PCDHGA1: variants seen among roughly 807,000 people sequenced by gnomAD.
The protein encoded by PCDHGA1 is protocadherin gamma-A1.
PCDHGA1 carries 32 observed loss-of-function variants against 58.0 expected under a neutral mutation model. That is an observed-to-expected ratio of 0.55 (90% CI 0.42 to 0.74). The LOEUF is 0.74. Among genes scored for constraint, PCDHGA1 ranks in the 30% least tolerant of loss-of-function variants. PCDHGA1 has a pLI of 0.00. For missense variants in PCDHGA1, 1,205 were observed against 1,182.3 expected, an observed-to-expected ratio of 1.02 and a Z score of -0.28; for synonymous variants, 498 against 501.1, an observed-to-expected ratio of 0.99 and a Z score of 0.08.
intron 1 of PCDHGA1, among the ~76,000 whole-genome samples, chr5:141,397,240 T>C (rs1291416263): frequency 6.6e-6 from 1 of 152,176 alleles, no homozygotes; most frequent in Non-Finnish European, 1.5e-5. Flanking sequence ...AAGAGCAACG[T>C]AGTAGGGTAT....
intron 1 of PCDHGA1, chr5:141,407,952 G>A (rs1235192174): frequency 2.7e-5 from 17 of 633,328 alleles, no homozygotes; most frequent in Admixed American, 1.4e-4. Context: ...CTGTCGGCCA[G>A]TGCAGAGCAA....
At position 141,330,960 on chromosome 5, in the gene PCDHGA1, G is replaced by C. The variant is rs747496707; in HGVS notation, c.276G>C (p.Arg92=). ...GSLITARRID[R]EELCAQSMPC... ...TGATCACCGCGCGCAGGATAGACCG[G>C]GAGGAGCTCTGCGCTCAGAGCATGC... Residue 92 remains arginine, a synonymous_variant, in exon 1 of 4, where the codon CGG becomes CGC. Transcript: ENST00000517417. The C allele has an allele frequency of 1.1e-5, 17 of 1,614,058 alleles. No individual in the cohort carries two copies. The Admixed American group carries it at 2.8e-4, about 27-fold the overall frequency.
intron 1 of PCDHGA1, chr5:141,376,193 T>C: frequency 6.2e-7 from 1 of 1,614,164 alleles, no homozygotes; most frequent in East Asian, 2.2e-5. Flanking sequence ...CTCCTGCGTC[T>C]TCCTGGCCTT....
chr5:141,502,470 G>A (rs1017558920), intron 2 of PCDHGA1, among the ~76,000 whole-genome samples: 5 of 150,916 alleles, frequency 3.3e-5, no homozygotes, highest in Admixed American at 2.6e-4. Flanking sequence ...AATACTTCCC[G>A]CAGCATCACA....
At chr5:141,395,543 TGTGTGTG>T in intron 1 of PCDHGA1, 1 of 8,204 alleles carries the variant, frequency 1.2e-4, no homozygotes, top group Non-Finnish European at 2.0e-4. Context: ...TGCTATTGTT[TGTGTGTG>T]TGTGTGTGTG....
rs768177406 is a variant in PCDHGA1, at chr5:141,332,336, T to G, written c.1652T>G (p.Phe551Cys). 8 of 1,614,182 alleles carry G rather than the reference T, an allele frequency of 5.0e-6. No individual in the cohort carries two copies. The South Asian group carries it at 8.8e-5, about 18-fold the overall frequency. The change falls in exon 1 of 4, where the codon TTC (phenylalanine) becomes TGC (cysteine). Residue 551 changes from phenylalanine (F) to cysteine (C), a missense_variant. Phe to Cys is a radical substitution (Grantham distance 205). Coordinates refer to ENST00000517417, the MANE Select transcript of PCDHGA1 (RefSeq NM_018912.3). This position sits in a 1 kb window ranked among gnomAD's most constrained non-coding sequence, Gnocchi z 4.6. ...AGCAGCAACGTGTCTCTCAGCCTAT[T>G]CCTGCTGGACCAGAACGACAACGCG... is the stretch of plus-strand genomic sequence containing the variant. Reference protein sequence around the residue: ...PLSSNVSLSLFLLDQNDNAPE... With the variant: ...PLSSNVSLSLCLLDQNDNAPE...
intron 1 of PCDHGA1, chr5:141,433,239 G>A: frequency 1.3e-6 from 2 of 1,494,126 alleles, no homozygotes; most frequent in Non-Finnish European, 1.8e-6. Context: ...TGTCTCCCAA[G>A]CTGGAATGCA....
chr5:141,511,267 C>G lies in PCDHGA1; in HGVS notation c.*94C>G. The G allele has an allele frequency of 6.5e-7, 1 of 1,549,404 alleles. No homozygotes were observed. The highest frequency in any genetic ancestry group is 8.7e-7 in the Non-Finnish European group (1 of 1,146,836). On this transcript the variant is annotated 3_prime_UTR_variant, in exon 4 of 4. Coordinates refer to ENST00000517417, the MANE Select transcript of PCDHGA1 (RefSeq NM_018912.3). Reference sequence around the variant, plus strand: ...CCAGGCCTCAGAGTTTCAGGGCTAACCCCCAGAATACTGGTAGGGGCCAAG... The same window carrying G: ...CCAGGCCTCAGAGTTTCAGGGCTAAGCCCCAGAATACTGGTAGGGGCCAAG...
At chr5:141,338,220 C>A (rs2149719779) in intron 1 of PCDHGA1, among the ~76,000 whole-genome samples, 1 of 152,262 alleles carries the variant, frequency 6.6e-6, no homozygotes, top group Admixed American at 6.5e-5. Context: ...CGCTTGAGAC[C>A]AGGGCCTGTG....
At position 141,372,147 on chromosome 5, in the gene PCDHGA1, G is replaced by A. The variant is rs374383984; in HGVS notation, c.2421+39042G>A. ...TATGGTGCCGCGCTCTGCAGAGCCT[G>A]GCTACCTGGTGACCAAGGTGGTGGC... On this transcript the variant is annotated intron_variant, in intron 1 of 3. Coordinates refer to ENST00000517417, the MANE Select transcript of PCDHGA1 (RefSeq NM_018912.3). 52 of 1,613,776 alleles carry A rather than the reference G, an allele frequency of 3.2e-5. No homozygotes were observed. In the Middle Eastern group the frequency reaches 5.0e-4, roughly 15 times the overall value.
At chr5:141,394,797 G>A (rs551668843) in intron 1 of PCDHGA1, 2 of 1,613,798 alleles carry the variant, frequency 1.2e-6, no homozygotes, top group Admixed American at 1.7e-5. Flanking sequence ...CACGCTCACC[G>A]TAGCCGTGGC....
intron 1 of PCDHGA1, chr5:141,399,764 T>C: frequency 6.2e-7 from 1 of 1,613,252 alleles, no homozygotes; most frequent in Non-Finnish European, 8.5e-7. Flanking sequence ...AGCCTGCGCG[T>C]GTTGGTGGGC....
intron 1 of PCDHGA1, chr5:141,430,789 C>A (rs2097310124): frequency 6.6e-7 from 1 of 1,515,808 alleles, no homozygotes; most frequent in Non-Finnish European, 8.8e-7. Context: ...ACCGGGACTA[C>A]AAAGGGCTTG....
At chr5:141,373,705 A>G (rs1023574849) in intron 1 of PCDHGA1, among the ~76,000 whole-genome samples, 2 of 152,224 alleles carry the variant, frequency 1.3e-5, no homozygotes, top group African/African-American at 4.8e-5. Flanking sequence ...AAATTATTCA[A>G]AATAATCTCT....
intron 1 of PCDHGA1, chr5:141,379,054 G>A (rs969073480): frequency 6.6e-5 from 10 of 152,204 alleles, no homozygotes; most frequent in Admixed American, 5.2e-4. Context: ...TTATAGAATG[G>A]ATTGGCCACT....
chr5:141,338,811 A>G (rs1756780781), intron 1 of PCDHGA1: 1 of 1,374,678 alleles, frequency 7.3e-7, no homozygotes, highest in East Asian at 2.6e-5. Flanking sequence ...TTGGCCCTAA[A>G]GCTTCAGGAC....
chr5:141,410,142 G>A (rs2095361095), intron 1 of PCDHGA1: 3 of 1,612,612 alleles, frequency 1.9e-6, no homozygotes, highest in East Asian at 2.2e-5. Context: ...GTCGCTGTGC[G>A]TGACGGTGGA....
At chr5:141,356,380 C>T (rs1323995819) in intron 1 of PCDHGA1, 6 of 1,566,080 alleles carry the variant, frequency 3.8e-6, no homozygotes, top group Non-Finnish European at 5.2e-6. Context: ...GCCATTCACA[C>T]TTGAAAAGAC....
rs2099615817 is a variant in PCDHGA1 at position 141,485,564 on chromosome 5, C to G, written c.2422-9243C>G. On this transcript the variant is annotated intron_variant, in intron 1 of 3. Coordinates refer to ENST00000517417, the MANE Select transcript of PCDHGA1 (RefSeq NM_018912.3). This position sits in a 1 kb window ranked among gnomAD's most constrained non-coding sequence, Gnocchi z 5.7. ...GATCGTAGATGTGAATGATCACGCCCCCCGTTTTCCGCGGCAGCAGCTGGA... is the reference window on the plus strand; with the variant it reads ...GATCGTAGATGTGAATGATCACGCCGCCCGTTTTCCGCGGCAGCAGCTGGA... 6.2e-7 allele frequency: 1 copy of G among 1,612,958 alleles called. No individual in the cohort carries two copies. The highest frequency in any genetic ancestry group is 8.5e-7 in the Non-Finnish European group (1 of 1,179,052).
Sources: allele counts gnomAD v4.1 joint callset (sites outside exome capture counted in the v4.1 genomes callset), GRCh38; gene constraint gnomAD v4.1.1; non-coding constraint Gnocchi (gnomAD v3.1); transcripts MANE v1.5; gene names NCBI Gene and HGNC (gene_info 2026-07-23, HGNC 2026-07-21).